Variants in FAP observed in about 807,000 individuals in gnomAD.
FAP encodes the protein fibroblast activation protein alpha.
FAP carries 110 observed loss-of-function variants against 126.5 expected under a neutral mutation model. The ratio of observed to expected loss-of-function variants is 0.87; its 90% CI spans 0.74 to 1.02. The LOEUF (loss-of-function observed/expected upper bound fraction) is 1.02. Ranked by LOEUF, FAP falls within the 50% of genes least tolerant of loss-of-function variation. The pLI, the probability that FAP is intolerant of heterozygous loss-of-function variation, is 0.00. For synonymous variants in FAP, 334 were observed against 297.3 expected (o/e 1.12, Z -1.27); for missense variants, 919 against 909.2 (o/e 1.01, Z -0.14).
chr2:162,243,193 A>G (rs2106311966), intron 1 of FAP, 129 bp downstream of exon 1: 1 of 859,944 alleles, frequency 1.2e-6, no homozygotes, highest in East Asian at 2.5e-5. Flanking sequence ...ACAATTTTCC[A>G]ATCCCAACCC....
At chr2:162,198,264 G>T (rs1473845873) in intron 16 of FAP, 2 of 1,289,906 alleles carry the variant, frequency 1.6e-6, no homozygotes, top group Non-Finnish European at 1.0e-6. Context: ...CCTCCGACGT[G>T]GGCATCTCGG....
At chr2:162,198,173 A>C in intron 16 of FAP, 1 of 1,287,380 alleles carries the variant, frequency 7.8e-7, no homozygotes, top group South Asian at 1.2e-5. Flanking sequence ...TTGATGCATT[A>C]CTTACGATGT....
intron 6 of FAP, among the ~76,000 whole-genome samples, chr2:162,222,616 T>C (rs1349585246): frequency 6.6e-6 from 1 of 152,162 alleles, no homozygotes; most frequent in African/African-American, 2.4e-5. Flanking sequence ...AAACAAGATA[T>C]CATATTAAGA....
chr2:162,219,044 GA>G lies in FAP; in HGVS notation c.607+18del. 1 of 1,574,294 alleles carries G rather than the reference GA, an allele frequency of 6.4e-7. No homozygotes were observed. ...TTAAAAGCCTAAAGCATTAGCAGTA[GA>G]AAAGGAATACAGCTTACCTTCATAA... On this transcript the variant is annotated intron_variant, in intron 8 of 25. Coordinates refer to ENST00000188790, the MANE Select transcript of FAP (RefSeq NM_004460.5).
intron 2 of FAP, among the ~76,000 whole-genome samples, chr2:162,236,800 T>A (rs1222306828): frequency 6.6e-6 from 1 of 152,038 alleles, no homozygotes; most frequent in Non-Finnish European, 1.5e-5. Flanking sequence ...AGGGAGTTTC[T>A]CCATGTTGGC....
intron 14 of FAP, among the ~76,000 whole-genome samples, chr2:162,201,425 C>G (rs1042094316): frequency 1.3e-5 from 2 of 152,154 alleles, no homozygotes; most frequent in Admixed American, 1.3e-4. Context: ...TAAACTAACA[C>G]CTTTCTATGC....
intron 6 of FAP, among the ~76,000 whole-genome samples, chr2:162,223,151 A>T (rs1276475202): frequency 6.6e-6 from 1 of 152,128 alleles, no homozygotes; most frequent in Non-Finnish European, 1.5e-5. Flanking sequence ...TAATGTTAAC[A>T]TTTTGTCATT....
At chr2:162,199,065 C>A (rs1375951884) in intron 15 of FAP, among the ~76,000 whole-genome samples, 184 bp from the exon 16 acceptor site, 1 of 152,194 alleles carries the variant, frequency 6.6e-6, no homozygotes, top group Non-Finnish European at 1.5e-5. Context: ...TTTGATCCAT[C>A]TTTGCCTTAA....
intron 19 of FAP, 77 bp from the exon 20 acceptor site, chr2:162,188,440 T>C: frequency 8.2e-7 from 1 of 1,212,454 alleles, no homozygotes. Flanking sequence ...CAAGCATTGC[T>C]TCTAGTAATT....
intron 2 of FAP, among the ~76,000 whole-genome samples, chr2:162,234,054 A>T (rs1191018040): frequency 6.6e-6 from 1 of 152,180 alleles, no homozygotes; most frequent in Admixed American, 6.5e-5. Context: ...ATTCTATTCC[A>T]TTGATCTATA....
chr2:162,213,675 T>C (rs1479877196), intron 11 of FAP, among the ~76,000 whole-genome samples: 2 of 152,164 alleles, frequency 1.3e-5, no homozygotes, highest in African/African-American at 4.8e-5. Flanking sequence ...GAACCAGATA[T>C]CTGATTTTCC....
chr2:162,240,902 G>C (rs1367847639), intron 2 of FAP, among the ~76,000 whole-genome samples: 1 of 152,128 alleles, frequency 6.6e-6, no homozygotes, highest in African/African-American at 2.4e-5. Context: ...CACTCCAGAC[G>C]GGAGATGATT....
intron 8 of FAP, among the ~76,000 whole-genome samples, 179 bp downstream of exon 8, chr2:162,218,884 T>G (rs2106275245): frequency 6.6e-6 from 1 of 152,240 alleles, no homozygotes; most frequent in East Asian, 1.9e-4. Flanking sequence ...ACCAGTTTTC[T>G]GATAACAAGA....
At chr2:162,180,042 C>T (rs931990019) in intron 21 of FAP, among the ~76,000 whole-genome samples, 8 of 151,762 alleles carry the variant, frequency 5.3e-5, no homozygotes, top group East Asian at 1.9e-4. Context: ...CTCCTGACCT[C>T]GTGATCTGCC....
intron 16 of FAP, 182 bp downstream of exon 16, chr2:162,198,575 A>C (rs1314092053): frequency 1.1e-6 from 1 of 883,594 alleles, no homozygotes; most frequent in Non-Finnish European, 1.7e-6. Context: ...CCTCAGTTGC[A>C]AAAAAGTAAA....
At chr2:162,235,446 C>A (rs1293029627) in intron 2 of FAP, among the ~76,000 whole-genome samples, 2 of 152,214 alleles carry the variant, frequency 1.3e-5, no homozygotes, top group Middle Eastern at 3.2e-3. Flanking sequence ...AATCAGCACT[C>A]TGTGTCTAGC....
chr2:162,218,249 A>G (rs1457867204), intron 8 of FAP, 109 bp from the exon 9 acceptor site: 1 of 702,370 alleles, frequency 1.4e-6, no homozygotes, highest in Non-Finnish European at 2.2e-6. Flanking sequence ...TTTAATGTGG[A>G]TGTGACATAT....
At chr2:162,186,896 A>G (rs1169265949) in intron 20 of FAP, among the ~76,000 whole-genome samples, 6 of 152,208 alleles carry the variant, frequency 3.9e-5, no homozygotes, top group African/African-American at 1.2e-4. Context: ...TCTTTGAACT[A>G]TCTCCTCCAA....
intron 7 of FAP, 71 bp from the exon 8 acceptor site, chr2:162,219,254 T>A: frequency 7.1e-7 from 1 of 1,404,686 alleles, no homozygotes. Context: ...TAATTATTCC[T>A]CTAATACCTT....
Sources: allele counts gnomAD v4.1 joint callset (sites outside exome capture counted in the v4.1 genomes callset), GRCh38; gene constraint gnomAD v4.1.1; transcripts MANE v1.5; gene names NCBI Gene and HGNC (gene_info 2026-07-23, HGNC 2026-07-21).